The following CWC27 variants were observed in gnomAD, a reference collection of about 807,000 sequenced individuals.
CWC27 encodes CWC27 spliceosome associated cyclophilin, also known as spliceosome-associated protein CWC27 homolog.
CWC27 carries 47 observed loss-of-function variants against 63.6 expected under a neutral mutation model. That is an observed-to-expected ratio of 0.74 (90% confidence interval 0.58 to 0.94). The LOEUF (loss-of-function observed/expected upper bound fraction) is 0.94, where lower values mean the gene tolerates loss of function less well. Among genes scored for constraint, CWC27 ranks in the 40% least tolerant of loss-of-function variants. CWC27 has a pLI of 0.00. For synonymous variants in CWC27, 175 were observed against 179.8 expected (o/e 0.97, Z 0.22); for missense variants, 495 against 554.3 (o/e 0.89, Z 1.07).
rs538927432 is a variant in CWC27, at chr5:64,972,561, C to T, written c.1152+749C>T. On this transcript the variant is annotated intron_variant, in intron 12 of 13. Coordinates refer to ENST00000381070, the MANE Select transcript of CWC27 (RefSeq NM_005869.4). ...TGCCTTATATATATATATATGGACACACCATTTTAGTTGTATAAATAAAAC... is the reference window on the plus strand; with the variant it reads ...TGCCTTATATATATATATATGGACATACCATTTTAGTTGTATAAATAAAAC... The T allele has an allele frequency of 1.6e-5, 6 of 377,280 alleles. No individual in the cohort carries two copies. The East Asian group carries it at 4.2e-4, about 27-fold the overall frequency. 23.4% of individuals were successfully genotyped at this position (377,280 alleles called of 1,614,324 possible).
intron 13 of CWC27, among the ~76,000 whole-genome samples, chr5:64,978,120 G>C (rs1311015207): frequency 6.6e-6 from 1 of 152,206 alleles, no homozygotes; most frequent in East Asian, 1.9e-4. Context: ...CAGGAAACCA[G>C]TCAGCAAGAT....
chr5:64,939,200 G>A (rs1220166206), intron 11 of CWC27, among the ~76,000 whole-genome samples: 1 of 152,122 alleles, frequency 6.6e-6, no homozygotes, highest in Non-Finnish European at 1.5e-5. Context: ...CTGATTTTTG[G>A]AATTTTCAAC....
At chr5:64,864,111 T>G (rs1329649149) in intron 10 of CWC27, among the ~76,000 whole-genome samples, 1 of 152,202 alleles carries the variant, frequency 6.6e-6, no homozygotes, top group Non-Finnish European at 1.5e-5. Flanking sequence ...ATAATAACAA[T>G]TGCGATAGTC....
At chr5:64,771,231 T>C (rs765728091) in intron 1 of CWC27, among the ~76,000 whole-genome samples, 4 of 152,166 alleles carry the variant, frequency 2.6e-5, no homozygotes, top group Non-Finnish European at 5.9e-5. Context: ...AAAAATTTGG[T>C]CTGTGAAGAA....
intron 10 of CWC27, among the ~76,000 whole-genome samples, chr5:64,872,803 G>T (rs561415366): frequency 1.3e-5 from 2 of 152,178 alleles, no homozygotes; most frequent in East Asian, 3.9e-4. Flanking sequence ...TTATCTCAGT[G>T]ATTTTTATTC....
chr5:64,989,797 C>T (rs554823070), intron 13 of CWC27, among the ~76,000 whole-genome samples: 38 of 152,222 alleles, frequency 2.5e-4, no homozygotes, highest in African/African-American at 9.2e-4. Flanking sequence ...GCAAAGGAGG[C>T]CTGATGATCA....
chr5:64,928,830 A>T (rs1167744391), intron 11 of CWC27, among the ~76,000 whole-genome samples: 1 of 152,200 alleles, frequency 6.6e-6, no homozygotes, highest in Admixed American at 6.5e-5. Flanking sequence ...AGTAGAAACA[A>T]ATAAATCCAA....
chr5:64,979,389 G>A (rs1749290564), intron 13 of CWC27, among the ~76,000 whole-genome samples: 1 of 152,158 alleles, frequency 6.6e-6, no homozygotes, highest in Admixed American at 6.5e-5. Context: ...TACCTTCCAT[G>A]TTCAAGGCAC....
intron 1 of CWC27, among the ~76,000 whole-genome samples, chr5:64,772,391 T>C (rs1203359710): frequency 1.3e-5 from 2 of 151,682 alleles, no homozygotes; most frequent in Non-Finnish European, 2.9e-5. Context: ...TTTGGGAGAC[T>C]ATGGCAGATT....
intron 12 of CWC27, among the ~76,000 whole-genome samples, chr5:64,972,205 G>C (rs953976732): frequency 4.6e-5 from 7 of 152,158 alleles, no homozygotes; most frequent in Non-Finnish European, 7.3e-5. Context: ...AGCCAGCCTA[G>C]CTTGAAATTG....
chr5:65,017,751 G>C (rs1018621537), intron 13 of CWC27, among the ~76,000 whole-genome samples: 1 of 152,196 alleles, frequency 6.6e-6, no homozygotes, highest in Non-Finnish European at 1.5e-5. Context: ...TTAAAAATCA[G>C]ATAGGGCTGG....
chr5:64,858,463 AAATAAT>A (rs199882585), intron 10 of CWC27, among the ~76,000 whole-genome samples: 261 of 146,596 alleles, frequency 1.8e-3, no homozygotes, highest in Middle Eastern at 7.1e-3. Flanking sequence ...CTCCATCTCA[AAATAAT>A]AATAATAATA....
At chr5:64,850,386 T>C (rs1746106401) in intron 10 of CWC27, among the ~76,000 whole-genome samples, 1 of 152,048 alleles carries the variant, frequency 6.6e-6, no homozygotes, top group Non-Finnish European at 1.5e-5. Flanking sequence ...GATATCCACA[T>C]GGAGAATAAT....
At chr5:64,786,376 A>G (rs1743886359) in intron 5 of CWC27, 148 bp from the exon 6 acceptor site, 1 of 429,712 alleles carries the variant, frequency 2.3e-6, no homozygotes, top group African/African-American at 2.1e-5. Context: ...AAGTGGAAGC[A>G]TGTTGTGTAG....
intron 13 of CWC27, among the ~76,000 whole-genome samples, chr5:64,977,530 A>C (rs995584299): frequency 6.6e-6 from 1 of 152,212 alleles, no homozygotes; most frequent in Non-Finnish European, 1.5e-5. Flanking sequence ...TAACTTTCTA[A>C]TATTGTGGAA....
chr5:64,947,527 A>G lies in CWC27; in HGVS notation c.1043-24176A>G, dbSNP rs1188077528. Among the ~76,000 whole-genome samples, 3 of 152,156 alleles carry G rather than the reference A, an allele frequency of 2.0e-5. No individual in the cohort carries two copies. In the East Asian group the frequency reaches 5.8e-4, roughly 29 times the overall value. The stretch of plus-strand genomic sequence containing the variant: ...TTCTGTATAAGATCTTTATGTAAAC[A>G]TCATTTTAATAAGCTAAAAGTCTAA... On this transcript the variant is annotated intron_variant, in intron 11 of 13. Transcript: ENST00000381070.
intron 10 of CWC27, among the ~76,000 whole-genome samples, chr5:64,813,686 A>G (rs1744949538): frequency 6.6e-6 from 1 of 152,208 alleles, no homozygotes; most frequent in Non-Finnish European, 1.5e-5. Context: ...GTTATTCAGC[A>G]TTGGTCTCTA....
chr5:64,994,908 T>C (rs1490017103), intron 13 of CWC27, among the ~76,000 whole-genome samples: 1 of 152,224 alleles, frequency 6.6e-6, no homozygotes, highest in Non-Finnish European at 1.5e-5. Flanking sequence ...GTTGAACTTT[T>C]TCAGTGTGCT....
intron 13 of CWC27, among the ~76,000 whole-genome samples, chr5:65,013,445 G>C (rs1037596022): frequency 3.9e-5 from 6 of 152,192 alleles, no homozygotes; most frequent in African/African-American, 1.4e-4. Context: ...CACCGGGAAT[G>C]CAACAGTGAA....
Sources: allele counts gnomAD v4.1 joint callset (sites outside exome capture counted in the v4.1 genomes callset), GRCh38; gene constraint gnomAD v4.1.1; transcripts MANE v1.5; gene names NCBI Gene and HGNC (gene_info 2026-07-23, HGNC 2026-07-21).